The following TP53BP1 variants were observed in gnomAD, a reference collection of about 807,000 sequenced individuals.
TP53BP1 encodes TP53-binding protein 1.
In TP53BP1, 61 loss-of-function variants were observed where a neutral mutation model predicts 200.8. That is an observed-to-expected ratio of 0.30 (90% CI 0.25 to 0.38). The LOEUF is 0.38. TP53BP1 is among the 10% of genes least tolerant of loss of function. The pLI is 1.00. For synonymous variants in TP53BP1, 822 were observed against 844.3 expected, an observed-to-expected ratio of 0.97 and a Z score of 0.46; for missense variants, 2,144 against 2,371.9, an observed-to-expected ratio of 0.90 and a Z score of 2.00.
At chr15:43,492,803 A>C (rs2079146422) in intron 1 of TP53BP1, among the ~76,000 whole-genome samples, 1 of 61,574 alleles carries the variant, frequency 1.6e-5, no homozygotes, top group Admixed American at 2.2e-4. Context: ...ACCTCCCCCC[A>C]AAAGAATGTT....
In TP53BP1 at chr15:43,428,102, T is replaced by C. The variant is rs1417640616; in HGVS notation, c.3742A>G (p.Ile1248Val). Reference sequence around the variant, plus strand: ...GTGACAAGTGTGCGTACTTCCCGGATTGTTCTCATGTGACGATGTAAGACA... The same window carrying C: ...GTGACAAGTGTGCGTACTTCCCGGACTGTTCTCATGTGACGATGTAAGACA... ...GHVLHRHMRT[I>V]REVRTLVTRV... Residue 1248 changes from isoleucine (I) to valine (V), a missense_variant, in exon 18 of 28, where the codon ATC (isoleucine) becomes GTC (valine). Physicochemically the swap from Ile to Val is conservative, Grantham distance 29. Coordinates refer to ENST00000382044, the MANE Select transcript of TP53BP1 (RefSeq NM_001141980.3). 1.5e-5 allele frequency: 24 copies of C among 1,613,448 alleles called. No individual in the cohort carries two copies. Among genetic ancestry groups the C allele is most frequent in the Non-Finnish European group, 2.0e-5 (24 of 1,179,488 alleles).
chr15:43,470,356 T>C (rs1327382415), intron 10 of TP53BP1, among the ~76,000 whole-genome samples: 3 of 152,204 alleles, frequency 2.0e-5, no homozygotes, highest in Non-Finnish European at 4.4e-5. Flanking sequence ...TTGGCTCCTT[T>C]CCTGATTTTA....
chr15:43,474,994 G>C (rs778877051), intron 9 of TP53BP1, among the ~76,000 whole-genome samples: 5 of 152,184 alleles, frequency 3.3e-5, no homozygotes, highest in Non-Finnish European at 7.3e-5. Context: ...TTTTCAAAAA[G>C]AGAGTAAGGG....
Position 43,470,050 on chromosome 15 carries a change from C to CG in TP53BP1, c.1196dup (p.Ser400ValfsTer5). On this transcript the variant is annotated frameshift_variant, in exon 11 of 28. Transcript: ENST00000382044. LOFTEE classifies it high-confidence loss of function. Reference sequence around the variant, plus strand: ...CTCCTCCTTCTTCAGATAACACTGACGTGTCCATTGGCTTATCTGGTTTAA... The same window carrying CG: ...CTCCTCCTTCTTCAGATAACACTGACGGTGTCCATTGGCTTATCTGGTTTAA... 1 of 1,612,862 alleles carries CG rather than the reference C, an allele frequency of 6.2e-7. No individual in the cohort carries two copies. Among genetic ancestry groups the CG allele is most frequent in the Non-Finnish European group, 8.5e-7 (1 of 1,179,962 alleles).
intron 12 of TP53BP1, among the ~76,000 whole-genome samples, chr15:43,452,821 T>C (rs973533251): frequency 5.9e-5 from 9 of 152,142 alleles, no homozygotes; most frequent in Non-Finnish European, 1.2e-4. Context: ...CAATTAACAA[T>C]GTAAACAAGA....
chr15:43,479,529 G>T lies in TP53BP1; in HGVS notation c.659-3C>A. 2.5e-6 allele frequency: 4 copies of T among 1,605,382 alleles called. No individual in the cohort carries two copies. Among genetic ancestry groups the T allele is most frequent in the Non-Finnish European group, 1.7e-6 (2 of 1,177,280 alleles). On this transcript the variant is annotated splice_polypyrimidine_tract_variant and splice_region_variant and intron_variant, in intron 6 of 27. Transcript: ENST00000382044. ...GGACTGTTCTTCATGCTTAATTGCT[G>T]AGAGTTTTATAAAATGACAGGAAGG...
chr15:43,497,494 C>A, upstream of TP53BP1: 1 of 980,390 alleles, frequency 1.0e-6, no homozygotes, highest in Non-Finnish European at 1.2e-6. Context: ...CTCTTCTCTA[C>A]CATCTCAGCT....
At chr15:43,445,724 G>A (rs2046026731) in intron 14 of TP53BP1, among the ~76,000 whole-genome samples, 1 of 151,978 alleles carries the variant, frequency 6.6e-6, no homozygotes, top group Non-Finnish European at 1.5e-5. Flanking sequence ...ATATTCACCT[G>A]GCACCATCGT....
intron 19 of TP53BP1, 147 bp downstream of exon 19, chr15:43,421,708 G>T: frequency 8.4e-7 from 1 of 1,191,650 alleles, no homozygotes; most frequent in Non-Finnish European, 1.2e-6. Context: ...CCCAAAACAG[G>T]AAGAGAGCAA....
intron 7 of TP53BP1, 61 bp from the exon 8 acceptor site, chr15:43,477,820 G>C: frequency 7.6e-7 from 1 of 1,314,126 alleles, no homozygotes. Context: ...TAAATAAAAA[G>C]CTTTTCCTGT....
At chr15:43,465,314 T>C (rs2046548265) in intron 11 of TP53BP1, among the ~76,000 whole-genome samples, 1 of 152,146 alleles carries the variant, frequency 6.6e-6, no homozygotes, top group Admixed American at 6.5e-5. Flanking sequence ...ATCATGGTGA[T>C]GGTTGCACAA....
At position 43,415,734 on chromosome 15, in the gene TP53BP1, C is replaced by T; in HGVS notation, c.4949G>A (p.Ser1650Asn). 6.2e-7 allele frequency: 1 copy of T among 1,614,168 alleles called. No individual in the cohort carries two copies. The highest frequency in any genetic ancestry group is 2.2e-5 in the East Asian group (1 of 44,892). The change falls in exon 23 of 28, where the codon AGC (serine) becomes AAC (asparagine). Residue 1650 changes from serine (S) to asparagine (N), a missense_variant. Ser to Asn is a conservative substitution (Grantham distance 46). Around this residue, in one of 4 missense-constraint regions of TP53BP1, gnomAD observed 334 missense variants for 453.4 expected, o/e 0.74. Transcript: ENST00000382044. The part of the protein sequence containing the change: ...SPATPTASSS[S>N]STTPTRKITE... ...GATCTTTCGGGTAGGGGTTGTGCTG[C>T]TGCTACTGGAGGCAGTAGGGGTGGC...
At position 43,493,037 on chromosome 15, in the gene TP53BP1, C is replaced by G. The variant is rs771499036; in HGVS notation, c.7G>C (p.Gly3Arg). The change falls in exon 1 of 28, where the codon GGG becomes CGG. Residue 3 changes from glycine to arginine, a missense_variant and splice_region_variant. Gly to Arg is a moderately radical substitution (Grantham distance 125). Transcript: ENST00000382044. ...ACTCCCATTTCTCTCCAAACAGTACCAGGCATCCCGGCGGGAGGTCCCTCG... is the reference window on the plus strand; with the variant it reads ...ACTCCCATTTCTCTCCAAACAGTACGAGGCATCCCGGCGGGAGGTCCCTCG... The part of the protein sequence containing the change: MP[G>R]EQMDPTGSQL... The G allele has an allele frequency of 6.2e-7, 1 of 1,613,304 alleles. No homozygotes were observed. The highest frequency in any genetic ancestry group is 8.5e-7 in the Non-Finnish European group (1 of 1,179,662).
At chr15:43,432,875 T>TA (rs887883984) in intron 16 of TP53BP1, among the ~76,000 whole-genome samples, 198 bp from the exon 17 acceptor site, 1 of 151,508 alleles carries the variant, frequency 6.6e-6, no homozygotes, top group Non-Finnish European at 1.5e-5. Context: ...TTCACTCCTG[T>TA]AAAAAAAATA....
chr15:43,444,169 T>G (rs2045990649), intron 14 of TP53BP1, among the ~76,000 whole-genome samples: 1 of 152,210 alleles, frequency 6.6e-6, no homozygotes, highest in African/African-American at 2.4e-5. Flanking sequence ...GGTAGTAAAA[T>G]TTACTGATAT....
In TP53BP1 at chr15:43,406,426, G is replaced by A. The variant is rs1375104738; in HGVS notation, c.*957C>T. ...TTCTACTGCTGTCTCTGGAGCAGGA[G>A]CTGGCAAACTATGGCCTGCTGTCTG... is the stretch of plus-strand genomic sequence containing the variant. On this transcript the variant is annotated 3_prime_UTR_variant, in exon 28 of 28. Transcript: ENST00000382044. The A allele has an allele frequency of 8.6e-6, 3 of 347,854 alleles. No individual in the cohort carries two copies. Among genetic ancestry groups the A allele is most frequent in the East Asian group, 1.5e-4 (2 of 13,270 alleles). 21.5% of individuals were successfully genotyped at this position (347,854 alleles called of 1,614,324 possible).
chr15:43,405,522 G>A lies in TP53BP1; in HGVS notation c.*1861C>T. On this transcript the variant is annotated 3_prime_UTR_variant, in exon 28 of 28. Transcript: ENST00000382044. Reference sequence around the variant, plus strand: ...AGCACCTACTACGTACCTTGGTACTGTTCAAGCTGTGGGAGATACAGCGGT... The same window carrying A: ...AGCACCTACTACGTACCTTGGTACTATTCAAGCTGTGGGAGATACAGCGGT... 2 of 384,314 alleles carry A rather than the reference G, an allele frequency of 5.2e-6. No homozygotes were observed. Among genetic ancestry groups the A allele is most frequent in the East Asian group, 4.4e-5 (1 of 22,738 alleles). The allele number at this position is 384,314 out of a possible 1,614,324, so 23.8% of individuals were successfully genotyped here. A position where few individuals can be genotyped will look rare whatever the true frequency, so the allele number is the denominator to read the frequency against.
chr15:43,435,960 T>C (rs2045787173), intron 16 of TP53BP1, among the ~76,000 whole-genome samples: 1 of 152,016 alleles, frequency 6.6e-6, no homozygotes, highest in African/African-American at 2.4e-5. Context: ...CCTCTCAAAG[T>C]GCTGGGATTA....
intron 4 of TP53BP1, among the ~76,000 whole-genome samples, chr15:43,481,460 TAC>T (rs61433356): frequency 0.011 from 1,537 of 143,788 alleles, 15 homozygotes; most frequent in East Asian, 0.023. Context: ...TGTATATAAA[TAC>T]ACACACACAC....
Sources: gnomAD v4.1 joint callset for allele counts (sites outside exome capture counted in the v4.1 genomes callset) on GRCh38, gnomAD v4.1.1 for gene constraint, gnomAD v4.1.1 regional missense constraint, MANE v1.5 for transcripts, NCBI Gene and HGNC (gene_info 2026-07-23, HGNC 2026-07-21) for gene names.